The following SLC25A48 variants were observed in gnomAD, a reference collection of about 807,000 sequenced individuals.
The protein encoded by SLC25A48 is CTC-321K16.1.
SLC25A48 carries 29 observed loss-of-function variants against 32.2 expected under a neutral mutation model. That is an observed-to-expected ratio of 0.90 (90% CI 0.67 to 1.23). SLC25A48 has a LOEUF of 1.23. Among genes scored for constraint, SLC25A48 ranks in the 50% most tolerant of loss-of-function variants. The pLI, the probability that SLC25A48 is intolerant of heterozygous loss-of-function variation, is 0.00. For missense variants in SLC25A48, 399 were observed against 422.7 expected (o/e 0.94, Z 0.49); for synonymous variants, 164 against 172.3 (o/e 0.95, Z 0.38).
intron 3 of SLC25A48, among the ~76,000 whole-genome samples, chr5:135,685,549 C>T (rs772962297): frequency 6.6e-6 from 1 of 151,184 alleles, no homozygotes; most frequent in Non-Finnish European, 1.5e-5. Flanking sequence ...TCTCATACCT[C>T]GGCCTCCTGA....
chr5:135,593,007 G>A (rs1751562129), intron 1 of SLC25A48, among the ~76,000 whole-genome samples: 1 of 152,132 alleles, frequency 6.6e-6, no homozygotes, highest in African/African-American at 2.4e-5. Context: ...AGCTCCTGGA[G>A]CTCTAGCACC....
chr5:135,817,736 A>G (rs965492642), intron 4 of SLC25A48, among the ~76,000 whole-genome samples: 1 of 152,206 alleles, frequency 6.6e-6, no homozygotes, highest in Non-Finnish European at 1.5e-5. Flanking sequence ...TCAAGGCACA[A>G]CCTGGGAGAA....
rs76955326 is a variant in SLC25A48, at chr5:135,669,565, A to C, written c.-521+34609A>C. On this transcript the variant is annotated intron_variant, in intron 3 of 10. Transcript: ENST00000646290. ...ATAGACCACGGCTCAGAGTTATCCTAACTGAGTGGTGAAGCAGCTGGGGAT... is the reference window on the plus strand; with the variant it reads ...ATAGACCACGGCTCAGAGTTATCCTCACTGAGTGGTGAAGCAGCTGGGGAT... Among the ~76,000 whole-genome samples the C allele has an allele frequency of 9.4e-3, 1,432 of 152,238 alleles. 25 individuals are homozygous for C. Among genetic ancestry groups the C allele is most frequent in the African/African-American group, 0.032 (1,345 of 41,532 alleles).
rs138492330 is a variant in SLC25A48 at position 135,644,819 on chromosome 5, G to A, written c.-521+9863G>A. On this transcript the variant is annotated intron_variant, in intron 3 of 10. Coordinates refer to the SLC25A48 transcript ENST00000646290. ...ACTTTCCCAAGTGTAAGTTGACAGT[G>A]AGGCTGCCACCTAGCACTGATTTTA... is the stretch of plus-strand genomic sequence containing the variant. Among the ~76,000 whole-genome samples, 17 of 152,310 alleles carry A rather than the reference G, an allele frequency of 1.1e-4. No individual in the cohort carries two copies. In the East Asian group the frequency reaches 2.9e-3, roughly 26 times the overall value.
intron 3 of SLC25A48, among the ~76,000 whole-genome samples, chr5:135,708,245 C>T (rs536384712): frequency 6.6e-6 from 1 of 152,332 alleles, no homozygotes; most frequent in East Asian, 1.9e-4. Context: ...CACTCAGCTT[C>T]AACAATGAGC....
At chr5:135,760,559 A>T (rs1482533603) in intron 3 of SLC25A48, among the ~76,000 whole-genome samples, 3 of 152,208 alleles carry the variant, frequency 2.0e-5, no homozygotes, top group African/African-American at 7.2e-5. Flanking sequence ...TGCTCTCTGC[A>T]GGCTGGAAGT....
chr5:135,654,799 A>C lies in SLC25A48; in HGVS notation c.-521+19843A>C, dbSNP rs373657560. On this transcript the variant is annotated intron_variant, in intron 3 of 10. Transcript: ENST00000646290. ...AGAAACTGGGGTTTCCCAGAGAAGA[A>C]GAAAGTCTGCCTGTGGCCTGCAGCA... is the stretch of plus-strand genomic sequence containing the variant. Among the ~76,000 whole-genome samples the C allele has an allele frequency of 1.6e-4, 24 of 152,360 alleles. No homozygotes were observed. In the East Asian group the frequency reaches 4.4e-3, roughly 28 times the overall value.
intron 4 of SLC25A48, among the ~76,000 whole-genome samples, chr5:135,814,189 C>T (rs1757659537): frequency 6.6e-6 from 1 of 152,188 alleles, no homozygotes; most frequent in African/African-American, 2.4e-5. Flanking sequence ...ATGGATGTCC[C>T]TGACTGGGCT....
intron 3 of SLC25A48, among the ~76,000 whole-genome samples, chr5:135,736,038 T>C (rs1755352585): frequency 6.6e-6 from 1 of 151,878 alleles, no homozygotes; most frequent in African/African-American, 2.4e-5. Flanking sequence ...TGAGGAAGAA[T>C]TGGACCTGGC....
chr5:135,691,043 G>C (rs61304478), intron 3 of SLC25A48, among the ~76,000 whole-genome samples: 1 of 152,038 alleles, frequency 6.6e-6, no homozygotes, highest in Non-Finnish European at 1.5e-5. Flanking sequence ...AAGATGCCAC[G>C]AGTGAAATCA....
intron 3 of SLC25A48, among the ~76,000 whole-genome samples, chr5:135,719,113 C>A (rs1396022695): frequency 6.6e-6 from 1 of 152,102 alleles, no homozygotes. Flanking sequence ...CTGTGTTATT[C>A]CTTACAAGTG....
At position 135,796,009 on chromosome 5, in the gene SLC25A48, AG is replaced by A. The variant is rs113931558; in HGVS notation, c.-520-16506del. 6.2e-4 allele frequency among the ~76,000 whole-genome samples: 60 copies of A among 96,630 alleles called. 1 individual carries two copies. The highest frequency in any genetic ancestry group is 2.7e-3 in the African/African-American group (58 of 21,748). The allele number at this position is 96,630 out of a possible 152,430, so 63.4% of individuals were successfully genotyped here. A position where few individuals can be genotyped will look rare whatever the true frequency, so the allele number is the denominator to read the frequency against. On this transcript the variant is annotated intron_variant, in intron 3 of 10. Transcript: ENST00000646290. ...GGATAATATTACTCCCAGTATCGCG[AG>A]GGGGGGGTGGGTGTAACTGCCCACT...
intron 3 of SLC25A48, among the ~76,000 whole-genome samples, chr5:135,799,047 A>T (rs1180599814): frequency 2.0e-5 from 3 of 151,772 alleles, no homozygotes; most frequent in African/African-American, 7.3e-5. Context: ...GGAAGAGAGG[A>T]TGATATTACT....
chr5:135,622,388 A>G (rs1442883746), intron 1 of SLC25A48, among the ~76,000 whole-genome samples: 2 of 152,250 alleles, frequency 1.3e-5, no homozygotes, highest in Non-Finnish European at 2.9e-5. Flanking sequence ...TTGTTGTAGC[A>G]TTATTTTAAT....
intron 3 of SLC25A48, among the ~76,000 whole-genome samples, chr5:135,727,975 G>C (rs1755128006): frequency 6.6e-6 from 1 of 152,142 alleles, no homozygotes; most frequent in South Asian, 2.1e-4. Context: ...AACGTGGCTG[G>C]CCGTGCACGG....
intron 3 of SLC25A48, among the ~76,000 whole-genome samples, chr5:135,774,804 A>G (rs1331975686): frequency 6.6e-6 from 1 of 151,504 alleles, no homozygotes; most frequent in Non-Finnish European, 1.5e-5. Flanking sequence ...ATTACTCTAA[A>G]TATTGAAAGG....
intron 3 of SLC25A48, among the ~76,000 whole-genome samples, chr5:135,772,368 G>T (rs1253590445): frequency 6.6e-6 from 1 of 151,536 alleles, no homozygotes; most frequent in Non-Finnish European, 1.5e-5. Flanking sequence ...AATATGCAGG[G>T]TGTGTACACT....
At chr5:135,600,330 C>G (rs898248537) in intron 1 of SLC25A48, among the ~76,000 whole-genome samples, 1 of 152,216 alleles carries the variant, frequency 6.6e-6, no homozygotes, top group African/African-American at 2.4e-5. Flanking sequence ...ACTGCCCAAG[C>G]CCCAAGGCTA....
chr5:135,842,278 C>A, intron 1 of SLC25A48, 138 bp from the exon 2 acceptor site: 1 of 821,890 alleles, frequency 1.2e-6, no homozygotes, highest in Non-Finnish European at 2.1e-6. Flanking sequence ...CAGTGCCTAG[C>A]ACATTGGAGC....
Sources: allele counts gnomAD v4.1 joint callset (sites outside exome capture counted in the v4.1 genomes callset), GRCh38; gene constraint gnomAD v4.1.1; transcripts MANE v1.5; gene names NCBI Gene and HGNC (gene_info 2026-07-23, HGNC 2026-07-21).